DGKB: variants seen among roughly 807,000 people sequenced by gnomAD.
DGKB encodes diacylglycerol kinase beta.
A neutral mutation model predicts 114.3 loss-of-function variants in DGKB; 67 were observed. The ratio of observed to expected loss-of-function variants is 0.59; its 90% CI spans 0.48 to 0.72. The LOEUF (loss-of-function observed/expected upper bound fraction) is 0.72. Among genes scored for constraint, DGKB ranks in the 30% least tolerant of loss-of-function variants. DGKB has a pLI of 0.00. For missense variants in DGKB, 907 were observed against 975.2 expected (o/e 0.93, Z 0.93); for synonymous variants, 398 against 323.1 (o/e 1.23, Z -2.49).
At chr7:14,719,567 G>T (rs960712334) in intron 5 of DGKB, among the ~76,000 whole-genome samples, 24 of 152,040 alleles carry the variant, frequency 1.6e-4, no homozygotes, top group African/African-American at 4.1e-4. Flanking sequence ...GTGGCTACTA[G>T]ATTCCTAATC....
intron 1 of DGKB, among the ~76,000 whole-genome samples, chr7:14,949,152 C>T (rs1345591620): frequency 6.6e-6 from 1 of 151,466 alleles, no homozygotes; most frequent in African/African-American, 2.4e-5. Flanking sequence ...AGGTATTTTA[C>T]AAAAGAAACA....
chr7:14,190,200 G>A (rs537000521), intron 23 of DGKB, among the ~76,000 whole-genome samples: 231 of 152,140 alleles, frequency 1.5e-3, no homozygotes, highest in Non-Finnish European at 2.5e-3. Flanking sequence ...CTATCTTTTC[G>A]GGCCATTATG....
At chr7:14,346,903 T>A (rs1364448326) in intron 21 of DGKB, among the ~76,000 whole-genome samples, 1 of 152,018 alleles carries the variant, frequency 6.6e-6, no homozygotes, top group Non-Finnish European at 1.5e-5. Flanking sequence ...ATTTTATGAC[T>A]ATTGGAATAG....
chr7:14,816,510 T>A (rs1844178179), intron 2 of DGKB: 1 of 152,398 alleles, frequency 6.6e-6, no homozygotes, highest in Admixed American at 6.5e-5. Context: ...GCAAAAGGAT[T>A]TGCGGCTCCT....
chr7:14,433,519 C>T lies in DGKB; in HGVS notation c.1835+44642G>A, dbSNP rs536544187. Among the ~76,000 whole-genome samples, 5 of 152,086 alleles carry T rather than the reference C, an allele frequency of 3.3e-5. No homozygotes were observed. The South Asian group carries it at 8.3e-4, about 25-fold the overall frequency. On this transcript the variant is annotated intron_variant, in intron 21 of 25. Transcript: ENST00000402815. ...GTAATAAGAAAGCGGAAGTATTCTA[C>T]GGTGGTGACATCCTTGAAGTTGTAC...
chr7:14,839,961 A>C (rs761701299), intron 2 of DGKB, among the ~76,000 whole-genome samples: 10 of 152,182 alleles, frequency 6.6e-5, no homozygotes, highest in Non-Finnish European at 1.3e-4. Context: ...TGGTCTTTTC[A>C]GATAATATAC....
At chr7:14,799,517 C>T (rs1299145202) in intron 2 of DGKB, among the ~76,000 whole-genome samples, 1 of 152,186 alleles carries the variant, frequency 6.6e-6, no homozygotes, top group African/African-American at 2.4e-5. Context: ...CAAGATCATT[C>T]TGTCTCAATG....
chr7:14,584,964 G>A (rs1017468130), intron 17 of DGKB, among the ~76,000 whole-genome samples: 6 of 151,964 alleles, frequency 3.9e-5, no homozygotes, highest in Non-Finnish European at 8.8e-5. Context: ...CGGGCGAGAT[G>A]TCTTTTAATA....
At chr7:14,722,232 G>C (rs987133782) in intron 5 of DGKB, among the ~76,000 whole-genome samples, 3 of 152,072 alleles carry the variant, frequency 2.0e-5, no homozygotes, top group African/African-American at 7.2e-5. Flanking sequence ...AAGTTTCACT[G>C]CCCTAAAATA....
rs1269464732 is a variant in DGKB at position 14,729,399 on chromosome 7, GGC to G, written c.322+6640_322+6641del. On this transcript the variant is annotated intron_variant, in intron 5 of 25. Coordinates refer to ENST00000402815, the MANE Select transcript of DGKB (RefSeq NM_001350709.2). ...GGCCTCCCAAAGTGCTGGGATTACA[GGC>G]ACGAGCCATCATTTTGCTCACTGAT... 2.0e-5 allele frequency among the ~76,000 whole-genome samples: 3 copies of G among 152,240 alleles called. No individual in the cohort carries two copies. The East Asian group carries it at 5.8e-4, about 29-fold the overall frequency.
intron 1 of DGKB, among the ~76,000 whole-genome samples, chr7:14,886,385 A>G (rs1158295239): frequency 6.6e-6 from 1 of 151,778 alleles, no homozygotes; most frequent in East Asian, 1.9e-4. Flanking sequence ...GGAGATGAGG[A>G]CGGCTCAAAA....
intron 21 of DGKB, among the ~76,000 whole-genome samples, chr7:14,390,217 T>G (rs1781290943): frequency 1.3e-5 from 2 of 152,220 alleles, no homozygotes; most frequent in African/African-American, 4.8e-5. Context: ...TGTTTTTATT[T>G]AAATACTCCT....
At chr7:14,559,286 G>C (rs1169174861) in intron 20 of DGKB, among the ~76,000 whole-genome samples, 4 of 152,070 alleles carry the variant, frequency 2.6e-5, no homozygotes, top group Admixed American at 6.6e-5. Flanking sequence ...GTTTATTGAA[G>C]AATCTCTCCC....
At chr7:14,434,768 T>C (rs980340067) in intron 21 of DGKB, among the ~76,000 whole-genome samples, 2 of 152,092 alleles carry the variant, frequency 1.3e-5, no homozygotes, top group Non-Finnish European at 2.9e-5. Flanking sequence ...TATCAACCAG[T>C]AGGCCGTGTC....
At chr7:14,821,851 C>A (rs773325854) in intron 2 of DGKB, among the ~76,000 whole-genome samples, 5 of 152,044 alleles carry the variant, frequency 3.3e-5, no homozygotes, top group Non-Finnish European at 5.9e-5. Context: ...TGTGGTAGTT[C>A]AGGAAAGACT....
intron 1 of DGKB, among the ~76,000 whole-genome samples, chr7:14,866,435 A>C (rs1851725067): frequency 6.6e-6 from 1 of 152,066 alleles, no homozygotes; most frequent in Non-Finnish European, 1.5e-5. Context: ...TGCAAACACT[A>C]ATCTTTTGTA....
chr7:14,180,911 A>C (rs1053535402), intron 23 of DGKB, among the ~76,000 whole-genome samples: 1 of 152,202 alleles, frequency 6.6e-6, no homozygotes, highest in African/African-American at 2.4e-5. Context: ...AACCAGCTAG[A>C]TCAACCTATT....
At chr7:14,479,634 A>G (rs1344811175) in intron 20 of DGKB, among the ~76,000 whole-genome samples, 1 of 152,150 alleles carries the variant, frequency 6.6e-6, no homozygotes, top group Non-Finnish European at 1.5e-5. Context: ...TCGTCCAACG[A>G]TAACTCTCTA....
At chr7:14,479,955 T>A (rs973915460) in intron 20 of DGKB, among the ~76,000 whole-genome samples, 19 of 152,120 alleles carry the variant, frequency 1.2e-4, no homozygotes, top group African/African-American at 4.3e-4. Context: ...TTGCTTCCCA[T>A]AGGGAGAGTA....
Sources: gnomAD v4.1 joint callset for allele counts (sites outside exome capture counted in the v4.1 genomes callset) on GRCh38, gnomAD v4.1.1 for gene constraint, MANE v1.5 for transcripts, NCBI Gene and HGNC (gene_info 2026-07-23, HGNC 2026-07-21) for gene names.